EPB41L4B: variants seen among roughly 807,000 people sequenced by gnomAD.
EPB41L4B encodes the protein band 4.1-like protein 4B.
Under a neutral mutation model 112.5 loss-of-function variants are expected in EPB41L4B, and 30 were observed. The ratio of observed to expected loss-of-function variants is 0.27; its 90% CI spans 0.20 to 0.36. The LOEUF (loss-of-function observed/expected upper bound fraction) is 0.36, where lower values mean the gene tolerates loss of function less well. EPB41L4B is among the 10% of genes least tolerant of loss of function. The pLI is 1.00. For missense variants in EPB41L4B, 1,024 were observed against 1,133.3 expected, an observed-to-expected ratio of 0.90 and a Z score of 1.38; for synonymous variants, 408 against 439.7, an observed-to-expected ratio of 0.93 and a Z score of 0.90.
At position 109,228,406 on chromosome 9, in the gene EPB41L4B, A is replaced by G. The variant is rs373359716; in HGVS notation, c.1410-11261T>C. 3.3e-5 allele frequency among the ~76,000 whole-genome samples: 5 copies of G among 152,322 alleles called. No homozygotes were observed. In the East Asian group the frequency reaches 5.8e-4, roughly 18 times the overall value. ...AAAAAAACTGTCCATCTACTTATCTAGCATTTTCCCAAGACTTTTTCAAAG... is the reference window on the plus strand; with the variant it reads ...AAAAAAACTGTCCATCTACTTATCTGGCATTTTCCCAAGACTTTTTCAAAG... On this transcript the variant is annotated intron_variant, in intron 15 of 25. Transcript: ENST00000374566.
chr9:109,251,073 T>A (rs1564294389), intron 13 of EPB41L4B, among the ~76,000 whole-genome samples: 2 of 152,234 alleles, frequency 1.3e-5, no homozygotes, highest in Non-Finnish European at 2.9e-5. Context: ...GTGTTTAATG[T>A]CTTCTATGAT....
At chr9:109,217,788 G>A (rs71499687) in intron 15 of EPB41L4B, among the ~76,000 whole-genome samples, 15,719 of 152,148 alleles carry the variant, frequency 0.1, 1,038 homozygotes, top group Middle Eastern at 0.19. Flanking sequence ...GCCTGGGCTG[G>A]TCTCAAACTC....
intron 12 of EPB41L4B, among the ~76,000 whole-genome samples, chr9:109,252,375 G>T (rs1213100945): frequency 1.3e-5 from 2 of 152,140 alleles, no homozygotes; most frequent in African/African-American, 4.8e-5. Flanking sequence ...CCTCCCGGGC[G>T]CTGTGGCCAC....
chr9:109,212,027 T>C (rs1833199309), intron 17 of EPB41L4B, among the ~76,000 whole-genome samples: 1 of 151,908 alleles, frequency 6.6e-6, no homozygotes, highest in Admixed American at 6.6e-5. Flanking sequence ...GCCAATTTCT[T>C]TGAGTGGAGG....
rs752526625 is a variant in EPB41L4B, at chr9:109,241,668, T to A, written c.1409+1950A>T. The A allele has an allele frequency of 3.7e-6, 6 of 1,613,978 alleles. No homozygotes were observed. The Admixed American group carries it at 6.7e-5, about 18-fold the overall frequency. ...AGAGAGATGCTTCAGTCTCTCAAAG[T>A]GCAGTCATGAGTTTATCTCGATACA... On this transcript the variant is annotated intron_variant, in intron 15 of 25. Transcript: ENST00000374566.
At chr9:109,286,670 C>T (rs1836295772) in intron 1 of EPB41L4B, among the ~76,000 whole-genome samples, 1 of 152,192 alleles carries the variant, frequency 6.6e-6, no homozygotes, top group South Asian at 2.1e-4. Context: ...GCAGACACAA[C>T]TCACGTTACT....
intron 16 of EPB41L4B, among the ~76,000 whole-genome samples, chr9:109,214,321 A>G (rs1833288401): frequency 6.6e-6 from 1 of 152,152 alleles, no homozygotes; most frequent in Non-Finnish European, 1.5e-5. Context: ...GCTTGAATTT[A>G]CTCATTAATA....
intron 2 of EPB41L4B, among the ~76,000 whole-genome samples, chr9:109,279,511 C>G (rs866734597): frequency 1.3e-5 from 2 of 152,212 alleles, no homozygotes; most frequent in South Asian, 4.1e-4. Flanking sequence ...GCCACTGCCC[C>G]CAGCCTGAAA....
chr9:109,318,795 G>A (rs1451711073), intron 1 of EPB41L4B, among the ~76,000 whole-genome samples: 1 of 152,100 alleles, frequency 6.6e-6, no homozygotes, highest in East Asian at 1.9e-4. Context: ...GCCCCAAAAG[G>A]GTATTTTCAT....
In EPB41L4B at chr9:109,173,811, A is replaced by G. The variant is rs1831711636; in HGVS notation, c.*743T>C. The G allele has an allele frequency of 6.6e-6, 1 of 152,626 alleles. No homozygotes were observed. The highest frequency in any genetic ancestry group is 1.5e-5 in the Non-Finnish European group (1 of 68,050). 9.5% of individuals were successfully genotyped at this position (152,626 alleles called of 1,614,324 possible). On this transcript the variant is annotated 3_prime_UTR_variant, in exon 26 of 26. Transcript: ENST00000374566. ...TTCTGGTCAAGATTCTATCAATACG[A>G]CATGAATCGATCAACTTTAGAAATA... is the stretch of plus-strand genomic sequence containing the variant.
chr9:109,314,627 C>G (rs1454446996), intron 1 of EPB41L4B, among the ~76,000 whole-genome samples: 1 of 123,266 alleles, frequency 8.1e-6, no homozygotes, highest in African/African-American at 4.2e-5. Context: ...TTCATTACCC[C>G]TCTCTCACCC....
intron 2 of EPB41L4B, among the ~76,000 whole-genome samples, chr9:109,276,189 ACACACACACACAC>A (rs780086691): frequency 7.4e-5 from 11 of 148,820 alleles, no homozygotes; most frequent in South Asian, 2.1e-4. Context: ...ACACACACAC[ACACACACACACAC>A]AAATAACAAA....
At chr9:109,318,092 G>A (rs1184190351) in intron 1 of EPB41L4B, among the ~76,000 whole-genome samples, 1 of 152,126 alleles carries the variant, frequency 6.6e-6, no homozygotes, top group African/African-American at 2.4e-5. Context: ...CTCCCTGAGA[G>A]CTCACGTGAC....
At chr9:109,218,664 T>G (rs1833473074) in intron 15 of EPB41L4B, among the ~76,000 whole-genome samples, 1 of 151,910 alleles carries the variant, frequency 6.6e-6, no homozygotes, top group Non-Finnish European at 1.5e-5. Context: ...TTCAGCCTCA[T>G]CTCCTGCTAC....
chr9:109,286,431 G>A (rs1836282222), intron 1 of EPB41L4B, among the ~76,000 whole-genome samples: 1 of 152,168 alleles, frequency 6.6e-6, no homozygotes, highest in Non-Finnish European at 1.5e-5. Context: ...CAAGCACCTA[G>A]GGAACTGTGT....
chr9:109,181,105 G>A (rs1485587402), intron 24 of EPB41L4B, among the ~76,000 whole-genome samples: 1 of 152,128 alleles, frequency 6.6e-6, no homozygotes, highest in Non-Finnish European at 1.5e-5. Context: ...TCAGCCTCCT[G>A]GGCTCCAGAG....
intron 5 of EPB41L4B, among the ~76,000 whole-genome samples, chr9:109,263,636 C>A (rs575631318): frequency 1.1e-4 from 17 of 152,298 alleles, no homozygotes; most frequent in African/African-American, 2.9e-4. Context: ...CTCATTCATA[C>A]GTAATATTTC....
At chr9:109,251,784 G>T (rs912323147) in intron 12 of EPB41L4B, among the ~76,000 whole-genome samples, 3 of 152,182 alleles carry the variant, frequency 2.0e-5, no homozygotes, top group African/African-American at 7.2e-5. Context: ...CTCTCAAGAA[G>T]TTCCCTGTCT....
intron 1 of EPB41L4B, among the ~76,000 whole-genome samples, chr9:109,299,298 C>T (rs1039854329): frequency 1.3e-5 from 2 of 152,178 alleles, no homozygotes; most frequent in Admixed American, 1.3e-4. Context: ...TTCTTTAAGA[C>T]AAGGTCTCAC....
Sources: allele counts gnomAD v4.1 joint callset (sites outside exome capture counted in the v4.1 genomes callset), GRCh38; gene constraint gnomAD v4.1.1; transcripts MANE v1.5; gene names NCBI Gene and HGNC (gene_info 2026-07-23, HGNC 2026-07-21).